The following CFAP77 variants were observed in gnomAD, a reference collection of about 807,000 sequenced individuals.
CFAP77 encodes cilia- and flagella-associated protein 77.
A neutral mutation model predicts 31.1 loss-of-function variants in CFAP77; 25 were observed. That is an observed-to-expected ratio of 0.80 (90% CI 0.59 to 1.12). CFAP77 has a LOEUF of 1.12. Ranked by LOEUF, CFAP77 falls within the 50% of genes most tolerant of loss-of-function variation. The pLI is 0.00. For synonymous variants in CFAP77, 151 were observed against 159.9 expected (o/e 0.94, Z 0.42); for missense variants, 377 against 397.3 (o/e 0.95, Z 0.44).
Position 132,554,022 on chromosome 9 carries a change from C to T in CFAP77, c.732+10975C>T, listed in dbSNP as rs1852859352. On this transcript the variant is annotated intron_variant, in intron 5 of 5. Transcript: ENST00000393216. The surrounding 1 kb of genome is among the most constrained non-coding windows in gnomAD (Gnocchi z 4.1). ...CTACACTGTGTGCCAGGCACCATTC[C>T]AGGGGCTTGGCAATGACCCCACGGG... 6.6e-6 allele frequency among the ~76,000 whole-genome samples: 1 copy of T among 152,184 alleles called. No individual in the cohort carries two copies. Among genetic ancestry groups the T allele is most frequent in the African/African-American group, 2.4e-5 (1 of 41,438 alleles).
intron 1 of CFAP77, among the ~76,000 whole-genome samples, chr9:132,453,670 G>C (rs1850868525): frequency 6.6e-6 from 1 of 152,200 alleles, no homozygotes; most frequent in Admixed American, 6.5e-5. Flanking sequence ...TTCAGTGTGG[G>C]GGCTGGAGCC....
chr9:132,458,284 A>C (rs1850956966), intron 1 of CFAP77, among the ~76,000 whole-genome samples: 1 of 137,448 alleles, frequency 7.3e-6, no homozygotes, highest in South Asian at 2.4e-4. Context: ...TTACGGTCGC[A>C]GCGACAAGCT....
At chr9:132,486,672 G>A (rs1005161877) in intron 1 of CFAP77, among the ~76,000 whole-genome samples, 4 of 152,220 alleles carry the variant, frequency 2.6e-5, no homozygotes, top group African/African-American at 7.2e-5. Context: ...TTGAGTTACC[G>A]GCCCCCAGAG....
intron 1 of CFAP77, among the ~76,000 whole-genome samples, chr9:132,469,980 C>T (rs1276823808): frequency 3.9e-5 from 6 of 151,994 alleles, no homozygotes; most frequent in African/African-American, 1.5e-4. Flanking sequence ...GCTGGGATAA[C>T]AGGCATGTGC....
chr9:132,478,023 A>AT (rs1174141224), intron 1 of CFAP77, among the ~76,000 whole-genome samples: 12 of 151,636 alleles, frequency 7.9e-5, no homozygotes, highest in East Asian at 3.9e-4. Context: ...GTGTGGTGGA[A>AT]TTTTTTTTTC....
At chr9:132,522,713 G>A (rs1852289200) in intron 3 of CFAP77, among the ~76,000 whole-genome samples, 1 of 152,240 alleles carries the variant, frequency 6.6e-6, no homozygotes, top group African/African-American at 2.4e-5. Context: ...CCAGTGCATG[G>A]TGGGGTAGGG....
At chr9:132,465,104 A>C in intron 1 of CFAP77, among the ~76,000 whole-genome samples, 1 of 151,744 alleles carries the variant, frequency 6.6e-6, no homozygotes, top group Middle Eastern at 3.4e-3. Flanking sequence ...GAAAAAAAGA[A>C]AGAAAGAAAA....
At chr9:132,559,343 T>A (rs1852957184) in intron 5 of CFAP77, among the ~76,000 whole-genome samples, 1 of 21,604 alleles carries the variant, frequency 4.6e-5, no homozygotes, top group Non-Finnish European at 8.6e-5. Context: ...AGACTCTGTC[T>A]TGCAAAAAAA....
chr9:132,490,299 C>G lies in CFAP77; in HGVS notation c.196-8396C>G, dbSNP rs756881904. Among the ~76,000 whole-genome samples, 4 of 152,134 alleles carry G rather than the reference C, an allele frequency of 2.6e-5. No homozygotes were observed. Among genetic ancestry groups the G allele is most frequent in the Non-Finnish European group, 4.4e-5 (3 of 68,034 alleles). On this transcript the variant is annotated intron_variant, in intron 1 of 5. Coordinates refer to ENST00000393216, the MANE Select transcript of CFAP77 (RefSeq NM_001282957.2). The surrounding 1 kb of genome is among the most constrained non-coding windows in gnomAD (Gnocchi z 4.6). Reference sequence around the variant, plus strand: ...TGACTTTGGAGGCGATAAAAACATTCAGACCATAGCACCATGGAAAAGCAG... The same window carrying G: ...TGACTTTGGAGGCGATAAAAACATTGAGACCATAGCACCATGGAAAAGCAG...
intron 3 of CFAP77, among the ~76,000 whole-genome samples, chr9:132,535,212 T>G (rs1292501863): frequency 6.6e-6 from 1 of 152,238 alleles, no homozygotes; most frequent in African/African-American, 2.4e-5. Flanking sequence ...TTTTTCTACT[T>G]CTTTGATTTT....
rs918878946 is a variant in CFAP77, at chr9:132,410,433, G to A, written c.162G>A (p.Arg54=). The change falls in exon 1 of 6, where the codon CGG becomes CGA. Residue 54 remains arginine (R), a synonymous_variant. Coordinates refer to ENST00000393216, the MANE Select transcript of CFAP77 (RefSeq NM_001282957.2). ...AGAACGAGCGGCTGGGGGTCGTGCG[G>A]GACTCCATGTTTCAGAACCCTCTCA... The part of the protein sequence containing the change: ...GMENERLGVV[R]DSMFQNPLIV... 2 of 1,596,610 alleles carry A rather than the reference G, an allele frequency of 1.3e-6. No homozygotes were observed. Among genetic ancestry groups the A allele is most frequent in the Admixed American group, 3.4e-5 (2 of 59,050 alleles).
rs866613909 is a variant in CFAP77, at chr9:132,455,527, C to A, written c.196-43168C>A. ...CTGAAAAAAAAAAACAAAAAAACTT[C>A]GAGACCAGCCTGGGCAACATGGCGA... On this transcript the variant is annotated intron_variant, in intron 1 of 5. Transcript: ENST00000393216. The surrounding 1 kb of genome is among the most constrained non-coding windows in gnomAD (Gnocchi z 4.1). 6.7e-6 allele frequency among the ~76,000 whole-genome samples: 1 copy of A among 150,294 alleles called. No individual in the cohort carries two copies. Among genetic ancestry groups the A allele is most frequent in the Non-Finnish European group, 1.5e-5 (1 of 67,588 alleles).
rs765732958 is a variant in CFAP77, at chr9:132,480,621, T to C, written c.196-18074T>C. ...CAGAAACCACCATTTGAATGATCCATTCATCTCAAAGACGTGGGTCCAGGA... is the reference window on the plus strand; with the variant it reads ...CAGAAACCACCATTTGAATGATCCACTCATCTCAAAGACGTGGGTCCAGGA... On this transcript the variant is annotated intron_variant, in intron 1 of 5. Coordinates refer to ENST00000393216, the MANE Select transcript of CFAP77 (RefSeq NM_001282957.2). The surrounding 1 kb of genome is among the most constrained non-coding windows in gnomAD (Gnocchi z 5.8). 2.0e-4 allele frequency among the ~76,000 whole-genome samples: 31 copies of C among 152,188 alleles called. No homozygotes were observed. Among genetic ancestry groups the C allele is most frequent in the Non-Finnish European group, 4.3e-4 (29 of 68,036 alleles).
chr9:132,511,934 A>T lies in CFAP77; in HGVS notation c.524+12334A>T, dbSNP rs1194685924. ...CTGGGTGTGGTGGCACACACCTGTC[A>T]TCTCAGCTTCTTGGGAGGCTGAGGC... On this transcript the variant is annotated intron_variant, in intron 3 of 5. Coordinates refer to ENST00000393216, the MANE Select transcript of CFAP77 (RefSeq NM_001282957.2). The surrounding 1 kb of genome is among the most constrained non-coding windows in gnomAD (Gnocchi z 5.8). 6.6e-6 allele frequency among the ~76,000 whole-genome samples: 1 copy of T among 152,116 alleles called. No homozygotes were observed. Among genetic ancestry groups the T allele is most frequent in the Non-Finnish European group, 1.5e-5 (1 of 68,012 alleles).
intron 5 of CFAP77, among the ~76,000 whole-genome samples, chr9:132,562,527 T>G (rs1385649285): frequency 3.3e-5 from 5 of 152,194 alleles, no homozygotes; most frequent in African/African-American, 1.2e-4. Context: ...AAATTTTTTT[T>G]CATGCAACGT....
rs989207183 is a variant in CFAP77 at position 132,565,050 on chromosome 9, A to G, written c.733-7338A>G. 4.0e-5 allele frequency among the ~76,000 whole-genome samples: 6 copies of G among 151,832 alleles called. No individual in the cohort carries two copies. The highest frequency in any genetic ancestry group is 8.8e-5 in the Non-Finnish European group (6 of 67,972). ...CTTCCAAACCTAACTCTCTGGGAAT[A>G]TTTTATTCTGATCCAGTAGCAGGGA... On this transcript the variant is annotated intron_variant, in intron 5 of 5. Coordinates refer to ENST00000393216, the MANE Select transcript of CFAP77 (RefSeq NM_001282957.2). This position sits in a 1 kb window ranked among gnomAD's most constrained non-coding sequence, Gnocchi z 4.1.
Position 132,498,583 on chromosome 9 carries a change from C to A in CFAP77, c.196-112C>A. The A allele has an allele frequency of 1.2e-6, 1 of 809,358 alleles. No individual in the cohort carries two copies. Among genetic ancestry groups the A allele is most frequent in the Non-Finnish European group, 2.0e-6 (1 of 494,838 alleles). The allele number at this position is 809,358 out of a possible 1,614,324, so 50.1% of individuals were successfully genotyped here. On this transcript the variant is annotated intron_variant, in intron 1 of 5. Coordinates refer to ENST00000393216, the MANE Select transcript of CFAP77 (RefSeq NM_001282957.2). The surrounding 1 kb of genome is among the most constrained non-coding windows in gnomAD (Gnocchi z 4.2). ...CACTCCTGTGCCACCCTGAAGGCCACGGCAGGGCCTGGGGGAAATGCAGGC... is the reference window on the plus strand; with the variant it reads ...CACTCCTGTGCCACCCTGAAGGCCAAGGCAGGGCCTGGGGGAAATGCAGGC...
intron 5 of CFAP77, among the ~76,000 whole-genome samples, chr9:132,560,170 A>G (rs1451664502): frequency 3.9e-5 from 6 of 152,216 alleles, no homozygotes; most frequent in Non-Finnish European, 7.3e-5. Context: ...TTATATCTCA[A>G]TAAAGCTGTT....
At chr9:132,413,955 A>G (rs558572963) in intron 1 of CFAP77, among the ~76,000 whole-genome samples, 2 of 152,352 alleles carry the variant, frequency 1.3e-5, no homozygotes, top group East Asian at 3.9e-4. Flanking sequence ...GACATCTTAC[A>G]GACATCTAGT....
Sources: allele counts gnomAD v4.1 joint callset (sites outside exome capture counted in the v4.1 genomes callset), GRCh38; gene constraint gnomAD v4.1.1; non-coding constraint Gnocchi (gnomAD v3.1); transcripts MANE v1.5; gene names NCBI Gene and HGNC (gene_info 2026-07-23, HGNC 2026-07-21).